WNT9B: variants seen among roughly 807,000 people sequenced by gnomAD.
The protein encoded by WNT9B is Wnt family member 9B, also known as protein Wnt-9b.
WNT9B carries 12 observed loss-of-function variants against 30.2 expected under a neutral mutation model. The ratio of observed to expected loss-of-function variants is 0.40; its 90% confidence interval spans 0.26 to 0.64. WNT9B has a LOEUF of 0.64. Ranked by LOEUF, WNT9B falls within the 30% of genes least tolerant of loss-of-function variation. The pLI is 0.42. For missense variants in WNT9B, 442 were observed against 485.2 expected, an observed-to-expected ratio of 0.91 and a Z score of 0.84; for synonymous variants, 218 against 216.9, an observed-to-expected ratio of 1.01 and a Z score of -0.05.
At chr17:46,874,199 C>T (rs1206176846) in intron 2 of WNT9B, among the ~76,000 whole-genome samples, 1 of 152,036 alleles carries the variant, frequency 6.6e-6, no homozygotes, top group African/African-American at 2.4e-5. Context: ...AGAGGAGTGT[C>T]GGTGGTTCTG....
chr17:46,833,347 T>C (rs1201734325), exon 1 of WNT9B: 1 of 518,216 alleles, frequency 1.9e-6, no homozygotes, highest in South Asian at 1.4e-5. Flanking sequence ...ATCAATTGCA[T>C]GAAAGGACGG....
At chr17:46,856,659 T>G (rs1052347342) in intron 1 of WNT9B, among the ~76,000 whole-genome samples, 11 of 152,072 alleles carry the variant, frequency 7.2e-5, no homozygotes, top group Non-Finnish European at 1.3e-4. Flanking sequence ...AATTTTTGTA[T>G]TTTTAGTGAA....
intron 1 of WNT9B, among the ~76,000 whole-genome samples, chr17:46,844,940 CA>C (rs763164251): frequency 6.6e-6 from 1 of 152,138 alleles, no homozygotes; most frequent in East Asian, 1.9e-4. Flanking sequence ...CTCCGCCTCC[CA>C]GCTGCAAGCA....
rs2146619700 is a variant in WNT9B, at chr17:46,879,791, G to A, written c.*3073G>A. ...ACTCAGGGAAGCAGTTCCTTCCCAG[G>A]CTGTGATCCCAGCCTTTTGGATCTG... On this transcript the variant is annotated 3_prime_UTR_variant, in exon 4 of 4. Coordinates refer to ENST00000290015, the MANE Select transcript of WNT9B (RefSeq NM_003396.3). Among the ~76,000 whole-genome samples, 1 of 152,316 alleles carries A rather than the reference G, an allele frequency of 6.6e-6. No homozygotes were observed. Among genetic ancestry groups the A allele is most frequent in the South Asian group, 2.1e-4 (1 of 4,826 alleles).
chr17:46,855,992 A>G (rs1052833376), intron 1 of WNT9B, among the ~76,000 whole-genome samples: 6 of 152,108 alleles, frequency 3.9e-5, no homozygotes, highest in African/African-American at 1.4e-4. Context: ...CCCGGCCCCC[A>G]GTCCAGTCTG....
intron 1 of WNT9B, among the ~76,000 whole-genome samples, chr17:46,839,994 TTCTTTC>T (rs2084689452): frequency 2.7e-5 from 2 of 74,848 alleles, no homozygotes; most frequent in African/African-American, 1.1e-4. Context: ...TCTTTCTTTT[TTCTTTC>T]TTCTTTCTTT....
chr17:46,885,912 C>T (rs900272307), exon 5 of WNT9B: 20 of 152,420 alleles, frequency 1.3e-4, no homozygotes, highest in African/African-American at 4.8e-4. Context: ...CTGCCTCAAC[C>T]ACAAGAACAA....
chr17:46,850,687 G>A (rs12602434), upstream of WNT9B, among the ~76,000 whole-genome samples: 1 of 152,066 alleles, frequency 6.6e-6, no homozygotes, highest in Non-Finnish European at 1.5e-5. Context: ...CAGGTACCAC[G>A]CGCCGCTTTG....
chr17:46,857,203 T>G (rs2084952766), intron 1 of WNT9B, among the ~76,000 whole-genome samples: 1 of 152,158 alleles, frequency 6.6e-6, no homozygotes, highest in Non-Finnish European at 1.5e-5. Flanking sequence ...GCGTGGTGGC[T>G]CATGCCTGTA....
At chr17:46,885,228 A>C, downstream of WNT9B, 1 of 292,898 alleles carries the variant, frequency 3.4e-6, no homozygotes. Flanking sequence ...CTGGTCTCGA[A>C]CTCCCGACCT....
exon 5 of WNT9B, chr17:46,886,187 C>CATATCAGT (rs1221361717): frequency 6.6e-6 from 1 of 152,258 alleles, no homozygotes; most frequent in Non-Finnish European, 1.5e-5. Flanking sequence ...GGCTGATACC[C>CATATCAGT]ATATCAGTAC....
At chr17:46,833,530 C>T (rs2084583507) in intron 1 of WNT9B, 4 of 435,326 alleles carry the variant, frequency 9.2e-6, no homozygotes, top group South Asian at 3.2e-5. Context: ...CTTTCCGAGA[C>T]ACTGCTGGAG....
intron 1 of WNT9B, chr17:46,833,477 C>T (rs546999221): frequency 4.1e-6 from 2 of 484,278 alleles, no homozygotes; most frequent in African/African-American, 1.9e-5. Flanking sequence ...CAACCCACCC[C>T]GACTCCCCAT....
At chr17:46,883,042 G>T (rs2146625764), downstream of WNT9B, among the ~76,000 whole-genome samples, 1 of 151,396 alleles carries the variant, frequency 6.6e-6, no homozygotes, top group Admixed American at 6.6e-5. Context: ...GCAGTGGCAT[G>T]ATCTCTGCTC....
At chr17:46,860,781 T>G (rs2085024172) in intron 1 of WNT9B, among the ~76,000 whole-genome samples, 1 of 152,268 alleles carries the variant, frequency 6.6e-6, no homozygotes, top group South Asian at 2.1e-4. Flanking sequence ...CAGCACTTTA[T>G]GTGCATTACT....
chr17:46,863,976 C>T (rs992621963), intron 1 of WNT9B, among the ~76,000 whole-genome samples: 2 of 152,182 alleles, frequency 1.3e-5, no homozygotes, highest in African/African-American at 4.8e-5. Context: ...TGCAGGAGAA[C>T]AAGTGGAATC....
chr17:46,859,712 C>T (rs1272283088), intron 1 of WNT9B, among the ~76,000 whole-genome samples: 2 of 152,222 alleles, frequency 1.3e-5, no homozygotes, highest in East Asian at 1.9e-4. Flanking sequence ...AGTAGTATCT[C>T]GTCAATATCC....
chr17:46,851,706 C>T lies in WNT9B; in HGVS notation c.68C>T (p.Ser23Phe). ...CTGGCGCTGCCCGCCGCCGCCGCCT[C>T]CTACTTCGGGTCAGTGCCCGCCGCG... is the stretch of plus-strand genomic sequence containing the variant. ...CLLALPAAAA[S>F]YFGLTGREVL... Residue 23 changes from serine to phenylalanine, a missense_variant, in exon 1 of 4, where the codon TCC becomes TTC. By Grantham distance (155) the Ser-to-Phe change is radical. Coordinates refer to ENST00000290015, the MANE Select transcript of WNT9B (RefSeq NM_003396.3). This position sits in a 1 kb window ranked among gnomAD's most constrained non-coding sequence, Gnocchi z 4.3. 7.6e-7 allele frequency: 1 copy of T among 1,309,718 alleles called. No homozygotes were observed. The highest frequency in any genetic ancestry group is 9.7e-7 in the Non-Finnish European group (1 of 1,033,542). The allele number at this position is 1,309,718 out of a possible 1,614,324, so 81.1% of individuals were successfully genotyped here.
chr17:46,872,186 A>G (rs773139719), intron 1 of WNT9B, among the ~76,000 whole-genome samples: 1 of 152,132 alleles, frequency 6.6e-6, no homozygotes, highest in Non-Finnish European at 1.5e-5. Flanking sequence ...AAACCAATAG[A>G]CCCAGAATTG....
Sources: gnomAD v4.1 joint callset for allele counts (sites outside exome capture counted in the v4.1 genomes callset) on GRCh38, gnomAD v4.1.1 for gene constraint, Gnocchi (gnomAD v3.1) non-coding constraint, MANE v1.5 for transcripts, NCBI Gene and HGNC (gene_info 2026-07-23, HGNC 2026-07-21) for gene names.